The following CCDC149 variants were observed in gnomAD, a reference collection of about 807,000 sequenced individuals.
CCDC149 encodes the protein coiled-coil domain containing 149, also known as coiled-coil domain-containing protein 149.
Under a neutral mutation model 59.9 loss-of-function variants are expected in CCDC149, and 45 were observed. That is an observed-to-expected ratio of 0.75 (90% CI 0.59 to 0.96). The LOEUF (loss-of-function observed/expected upper bound fraction) is 0.96. CCDC149 is among the 40% of genes least tolerant of loss of function. The probability of loss-of-function intolerance (pLI) is 0.00; values close to 1 mark genes in which losing one functional copy is unlikely to be tolerated. For synonymous variants in CCDC149, 245 were observed against 260.6 expected, an observed-to-expected ratio of 0.94 and a Z score of 0.58; for missense variants, 584 against 664.7, an observed-to-expected ratio of 0.88 and a Z score of 1.33.
At chr4:24,976,768 T>C (rs1724218017) in intron 1 of CCDC149, among the ~76,000 whole-genome samples, 1 of 152,148 alleles carries the variant, frequency 6.6e-6, no homozygotes, top group Middle Eastern at 3.2e-3. Context: ...TGCGCTGGTA[T>C]AGTGTCCTTT....
chr4:24,969,721 C>T (rs1314022598), intron 1 of CCDC149, among the ~76,000 whole-genome samples: 1 of 152,178 alleles, frequency 6.6e-6, no homozygotes, highest in Admixed American at 6.5e-5. Flanking sequence ...CCTCCTTCGA[C>T]CAGGTATGGG....
In CCDC149 at chr4:24,873,662, G is replaced by A; in HGVS notation, c.264+19C>T. 1 of 1,571,570 alleles carries A rather than the reference G, an allele frequency of 6.4e-7. No individual in the cohort carries two copies. Among genetic ancestry groups the A allele is most frequent in the Non-Finnish European group, 8.8e-7 (1 of 1,142,062 alleles). On this transcript the variant is annotated intron_variant, in intron 3 of 12. Coordinates refer to ENST00000635206, the MANE Select transcript of CCDC149 (RefSeq NM_001330643.2). Reference sequence around the variant, plus strand: ...GCTAGGTATCAATAAAAAAATCTGAGATCAGAAATAAGTCTTACCTGTTTC... The same window carrying A: ...GCTAGGTATCAATAAAAAAATCTGAAATCAGAAATAAGTCTTACCTGTTTC...
intron 1 of CCDC149, among the ~76,000 whole-genome samples, chr4:24,954,146 G>A (rs1425970203): frequency 6.6e-6 from 1 of 152,178 alleles, no homozygotes; most frequent in African/African-American, 2.4e-5. Flanking sequence ...TTTTATGAAA[G>A]ACATTAATAT....
intron 1 of CCDC149, among the ~76,000 whole-genome samples, chr4:24,974,100 G>A (rs1288553550): frequency 6.6e-6 from 1 of 152,260 alleles, no homozygotes; most frequent in East Asian, 1.9e-4. Flanking sequence ...GAGAGCGCCT[G>A]TGTGCGGCCC....
At chr4:24,850,532 G>GCA (rs944825929) in intron 4 of CCDC149, among the ~76,000 whole-genome samples, 1 of 152,170 alleles carries the variant, frequency 6.6e-6, no homozygotes, top group African/African-American at 2.4e-5. Flanking sequence ...AGGCAGTGTA[G>GCA]CACAGCAAAG....
chr4:24,874,260 G>GTT (rs1233579287), intron 2 of CCDC149, among the ~76,000 whole-genome samples: 11 of 33,836 alleles, frequency 3.3e-4, no homozygotes, highest in South Asian at 1.2e-3. Flanking sequence ...TTTTTTTTTT[G>GTT]TTTTGTTTTT....
chr4:24,975,103 T>C (rs1289973290), intron 1 of CCDC149, among the ~76,000 whole-genome samples: 1 of 152,084 alleles, frequency 6.6e-6, no homozygotes, highest in African/African-American at 2.4e-5. Context: ...CCATGTGAGG[T>C]TGCAGCAAGA....
At chr4:24,825,979 G>T (rs141257821) in intron 9 of CCDC149, among the ~76,000 whole-genome samples, 4 of 151,900 alleles carry the variant, frequency 2.6e-5, no homozygotes, top group Non-Finnish European at 4.4e-5. Context: ...TTTAAGAGAC[G>T]TAGTCTTACT....
At chr4:24,933,883 G>T (rs1405418375) in intron 1 of CCDC149, among the ~76,000 whole-genome samples, 1 of 152,144 alleles carries the variant, frequency 6.6e-6, no homozygotes, top group East Asian at 1.9e-4. Flanking sequence ...TGGTTCTTCT[G>T]CTCCATGTGA....
intron 1 of CCDC149, among the ~76,000 whole-genome samples, chr4:24,928,372 A>G (rs916222262): frequency 1.3e-5 from 2 of 152,166 alleles, no homozygotes; most frequent in African/African-American, 4.8e-5. Flanking sequence ...GAAGGGGAGG[A>G]GAGGGTAGGG....
intron 1 of CCDC149, among the ~76,000 whole-genome samples, chr4:24,971,998 G>T (rs1723983787): frequency 6.6e-6 from 1 of 152,156 alleles, no homozygotes. Flanking sequence ...ACTTCCAGTT[G>T]TCCCACCTTT....
intron 1 of CCDC149, chr4:24,894,871 T>A (rs1720749048): frequency 2.3e-6 from 3 of 1,302,552 alleles, no homozygotes; most frequent in Non-Finnish European, 3.2e-6. Context: ...CTGCAGCCTG[T>A]GCTAGAACCA....
chr4:24,966,908 T>A (rs1221981726), intron 1 of CCDC149, among the ~76,000 whole-genome samples: 1 of 152,176 alleles, frequency 6.6e-6, no homozygotes, highest in Non-Finnish European at 1.5e-5. Context: ...AATCCACTGG[T>A]CCCCCACCAA....
intron 1 of CCDC149, among the ~76,000 whole-genome samples, chr4:24,979,307 C>T (rs914366191): frequency 2.0e-5 from 3 of 152,150 alleles, no homozygotes; most frequent in Non-Finnish European, 4.4e-5. Flanking sequence ...TGCCCTCAGA[C>T]AGAAAGATGC....
chr4:24,970,180 G>A (rs377649405), intron 1 of CCDC149, among the ~76,000 whole-genome samples: 77 of 152,248 alleles, frequency 5.1e-4, no homozygotes, highest in African/African-American at 1.6e-3. Context: ...AGTCATTTCC[G>A]TCATAGGTTA....
chr4:24,816,282 G>T (rs1715010626), intron 12 of CCDC149, among the ~76,000 whole-genome samples: 1 of 151,738 alleles, frequency 6.6e-6, no homozygotes, highest in Admixed American at 6.6e-5. Flanking sequence ...TTAGAAATGG[G>T]GTCTCACTAT....
At chr4:24,842,197 C>T (rs956562132) in intron 4 of CCDC149, among the ~76,000 whole-genome samples, 1 of 152,190 alleles carries the variant, frequency 6.6e-6, no homozygotes, top group Non-Finnish European at 1.5e-5. Flanking sequence ...CTCTTTGATA[C>T]TTAGCACAGG....
chr4:24,927,160 TG>T (rs779217490), intron 1 of CCDC149, among the ~76,000 whole-genome samples: 1 of 152,218 alleles, frequency 6.6e-6, no homozygotes, highest in Non-Finnish European at 1.5e-5. Flanking sequence ...ACATGAGATG[TG>T]AGGTTCTTGC....
Position 24,912,918 on chromosome 4 carries a change from C to T in CCDC149, c.-39G>A, listed in dbSNP as rs1053096465. 2 of 1,225,018 alleles carry T rather than the reference C, an allele frequency of 1.6e-6. No individual in the cohort carries two copies. The highest frequency in any genetic ancestry group is 2.7e-4 in the Middle Eastern group (1 of 3,656). 75.9% of individuals were successfully genotyped at this position (1,225,018 alleles called of 1,614,324 possible). A position where few individuals can be genotyped will look rare whatever the true frequency, so the allele number is the denominator to read the frequency against. On this transcript the variant is annotated 5_prime_UTR_variant, in exon 1 of 13. Transcript: ENST00000635206. ...TCCTGGACCCCCGCCGCCTCCTCCT[C>T]CTCGCGACGTCGCGTCGCCGCCGCC...
Sources: gnomAD v4.1 joint callset for allele counts (sites outside exome capture counted in the v4.1 genomes callset) on GRCh38, gnomAD v4.1.1 for gene constraint, MANE v1.5 for transcripts, NCBI Gene and HGNC (gene_info 2026-07-23, HGNC 2026-07-21) for gene names.